Variants in ANO3 observed in about 807,000 individuals in gnomAD.
The protein encoded by ANO3 is anoctamin-3.
ANO3 carries 99 observed loss-of-function variants against 144.8 expected under a neutral mutation model. The observed-to-expected ratio is 0.68, with a 90% CI of 0.58 to 0.81. ANO3 has a LOEUF of 0.81. ANO3 is among the 30% of genes least tolerant of loss of function. The pLI, the probability that ANO3 is intolerant of heterozygous loss-of-function variation, is 0.00. For missense variants in ANO3, 905 were observed against 1,202.2 expected (o/e 0.75, Z 3.66); for synonymous variants, 414 against 392.6 (o/e 1.05, Z -0.64).
intron 10 of ANO3, among the ~76,000 whole-genome samples, chr11:26,540,644 C>T (rs1849619214): frequency 6.6e-6 from 1 of 152,034 alleles, no homozygotes; most frequent in Non-Finnish European, 1.5e-5. Flanking sequence ...AAGATATGAA[C>T]AGACACTTCT....
chr11:26,408,132 A>G (rs557845565), intron 1 of ANO3, among the ~76,000 whole-genome samples: 36 of 152,142 alleles, frequency 2.4e-4, no homozygotes, highest in African/African-American at 8.4e-4. Context: ...ATGGGATCTA[A>G]TTAAACTAAA....
At chr11:26,249,789 G>A (rs1183610001) in intron 1 of ANO3, among the ~76,000 whole-genome samples, 1 of 151,916 alleles carries the variant, frequency 6.6e-6, no homozygotes, top group Non-Finnish European at 1.5e-5. Context: ...AAAAAAGAAA[G>A]AAAGAAAGAA....
intron 1 of ANO3, among the ~76,000 whole-genome samples, chr11:26,211,638 T>G (rs2133783035): frequency 6.6e-6 from 1 of 152,314 alleles, no homozygotes; most frequent in East Asian, 1.9e-4. Context: ...TCAACCATTG[T>G]AGAAGACAGT....
chr11:26,448,089 C>T (rs1027930511), intron 3 of ANO3, among the ~76,000 whole-genome samples: 4 of 152,006 alleles, frequency 2.6e-5, no homozygotes, highest in Non-Finnish European at 4.4e-5. Context: ...CACCTGAGGT[C>T]GGGAGTTCGA....
chr11:26,517,079 T>G (rs1043023490), intron 6 of ANO3, 152 bp downstream of exon 6: 2 of 469,246 alleles, frequency 4.3e-6, no homozygotes, highest in African/African-American at 2.0e-5. Context: ...TTTTTCTTCC[T>G]AATTTGTTTG....
intron 3 of ANO3, among the ~76,000 whole-genome samples, chr11:26,460,455 AGAAGGAAG>A (rs1355892344): frequency 2.0e-5 from 3 of 150,166 alleles, no homozygotes; most frequent in Non-Finnish European, 4.4e-5. Context: ...AAAGAAGGAA[AGAAGGAAG>A]GAAGGAAGGG....
At chr11:26,217,989 A>T (rs2133789566) in intron 1 of ANO3, among the ~76,000 whole-genome samples, 1 of 152,180 alleles carries the variant, frequency 6.6e-6, no homozygotes, top group Admixed American at 6.6e-5. Context: ...TGGGCCAGAG[A>T]ATGTGGTCAC....
At chr11:26,532,431 A>G (rs1022059364) in intron 8 of ANO3, among the ~76,000 whole-genome samples, 1 of 152,150 alleles carries the variant, frequency 6.6e-6, no homozygotes, top group Non-Finnish European at 1.5e-5. Flanking sequence ...CTGAAACCAG[A>G]GTAATCTTTG....
In ANO3 at chr11:26,193,807, G is replaced by A. The variant is rs181147927; in HGVS notation, c.154+4477G>A. Among the ~76,000 whole-genome samples, 37 of 152,244 alleles carry A rather than the reference G, an allele frequency of 2.4e-4. 1 individual carries two copies. Among genetic ancestry groups the A allele is most frequent in the African/African-American group, 8.7e-4 (36 of 41,534 alleles). On this transcript the variant is annotated intron_variant, in intron 1 of 27. Transcript: ENST00000672621. ...ACTGGTTGGGACAGAAGTAGAAGTTGCCTACCTAGGAATGCAACCTATCAG... is the reference window on the plus strand; with the variant it reads ...ACTGGTTGGGACAGAAGTAGAAGTTACCTACCTAGGAATGCAACCTATCAG...
intron 1 of ANO3, among the ~76,000 whole-genome samples, chr11:26,340,964 C>T (rs1295716482): frequency 3.3e-5 from 5 of 152,168 alleles, no homozygotes; most frequent in Middle Eastern, 3.4e-3. Context: ...TTCAGTTGTT[C>T]AATCGTGTCC....
At chr11:26,501,818 G>A (rs1169322420) in intron 4 of ANO3, among the ~76,000 whole-genome samples, 3 of 152,132 alleles carry the variant, frequency 2.0e-5, no homozygotes, top group African/African-American at 7.2e-5. Context: ...CAAAAAACAG[G>A]ACCACAGAGC....
At chr11:26,372,835 T>G (rs985359830) in intron 1 of ANO3, among the ~76,000 whole-genome samples, 1 of 152,120 alleles carries the variant, frequency 6.6e-6, no homozygotes, top group Admixed American at 6.6e-5. Flanking sequence ...AAATATTAGA[T>G]AGTTTGGCCA....
At chr11:26,364,622 CAA>C (rs1491400875) in intron 1 of ANO3, among the ~76,000 whole-genome samples, 6 of 152,128 alleles carry the variant, frequency 3.9e-5, no homozygotes, top group Middle Eastern at 3.4e-3. Flanking sequence ...AAAGCAAGAC[CAA>C]GAGAGAGAGT....
chr11:26,486,482 A>G (rs1177644161), intron 4 of ANO3, among the ~76,000 whole-genome samples: 1 of 152,138 alleles, frequency 6.6e-6, no homozygotes, highest in African/African-American at 2.4e-5. Context: ...ATGTGACTAC[A>G]TTGGAAAGCA....
At chr11:26,583,630 A>T (rs1280692902) in intron 14 of ANO3, among the ~76,000 whole-genome samples, 1 of 152,252 alleles carries the variant, frequency 6.6e-6, no homozygotes, top group Non-Finnish European at 1.5e-5. Flanking sequence ...AATTTTCCCC[A>T]GGCATGGAGA....
At chr11:26,614,749 G>C (rs1852201240) in intron 17 of ANO3, among the ~76,000 whole-genome samples, 1 of 152,132 alleles carries the variant, frequency 6.6e-6, no homozygotes, top group Admixed American at 6.5e-5. Context: ...CCCTGACTCT[G>C]AGCTAATTCT....
At chr11:26,227,210 G>A (rs946749299) in intron 1 of ANO3, among the ~76,000 whole-genome samples, 1 of 151,908 alleles carries the variant, frequency 6.6e-6, no homozygotes, top group African/African-American at 2.4e-5. Context: ...TGATTAACTG[G>A]GTTGCTTCTA....
At chr11:26,232,356 TA>T (rs889438211) in intron 1 of ANO3, among the ~76,000 whole-genome samples, 1 of 151,890 alleles carries the variant, frequency 6.6e-6, no homozygotes, top group Admixed American at 6.6e-5. Flanking sequence ...ATAATGAAGC[TA>T]AAAGACAGAA....
intron 1 of ANO3, among the ~76,000 whole-genome samples, chr11:26,317,695 T>C (rs1375967412): frequency 6.6e-6 from 1 of 152,154 alleles, no homozygotes; most frequent in Non-Finnish European, 1.5e-5. Flanking sequence ...TGGAAGACAG[T>C]GTGGAGATTC....
Sources: allele counts gnomAD v4.1 joint callset (sites outside exome capture counted in the v4.1 genomes callset), GRCh38; gene constraint gnomAD v4.1.1; transcripts MANE v1.5; gene names NCBI Gene and HGNC (gene_info 2026-07-23, HGNC 2026-07-21).